Variants in RIT2 observed in about 807,000 individuals in gnomAD.
The protein encoded by RIT2 is Ras like without CAAX 2.
RIT2 carries 24 observed loss-of-function variants against 23.7 expected under a neutral mutation model. The observed-to-expected ratio is 1.01, with a 90% CI of 0.73 to 1.43. The LOEUF is 1.43. Ranked by LOEUF, RIT2 falls within the 40% of genes most tolerant of loss-of-function variation. The pLI is 0.00. For synonymous variants in RIT2, 107 were observed against 91.1 expected (o/e 1.17, Z -0.99); for missense variants, 236 against 266.9 (o/e 0.88, Z 0.81).
intron 4 of RIT2, among the ~76,000 whole-genome samples, chr18:42,747,836 C>T (rs1034265155): frequency 7.9e-5 from 12 of 151,724 alleles, no homozygotes; most frequent in Non-Finnish European, 1.5e-4. Flanking sequence ...GCAAGCCACA[C>T]GTAGAAGAAT....
In RIT2 at chr18:42,747,776, A is replaced by G. The variant is rs1267725669; in HGVS notation, c.427-4056T>C. Among the ~76,000 whole-genome samples, 2 of 152,126 alleles carry G rather than the reference A, an allele frequency of 1.3e-5. 1 individual carries two copies. The highest frequency in any genetic ancestry group is 2.9e-5 in the Non-Finnish European group (2 of 67,980). On this transcript the variant is annotated intron_variant, in intron 4 of 4. Coordinates refer to ENST00000326695, the MANE Select transcript of RIT2 (RefSeq NM_002930.4). ...GATCTTTGACAAAGCAAACAAAAAC[A>G]TAAAGTGGGGAAAGGACACCCTACT...
chr18:43,077,354 A>C (rs1471912530), intron 1 of RIT2, among the ~76,000 whole-genome samples: 3 of 152,180 alleles, frequency 2.0e-5, no homozygotes, highest in East Asian at 3.9e-4. Context: ...ATCTCATTCA[A>C]ACTCCCAACT....
At chr18:43,077,106 A>AAAGAAAAAAAG (rs1913044060) in intron 1 of RIT2, among the ~76,000 whole-genome samples, 1 of 132,602 alleles carries the variant, frequency 7.5e-6, no homozygotes, top group Non-Finnish European at 1.6e-5. Context: ...CCGTCTCAAA[A>AAAGAAAAAAAG]AAAAAAAAAA....
At chr18:42,948,110 G>A (rs1048235119) in intron 3 of RIT2, among the ~76,000 whole-genome samples, 2 of 151,882 alleles carry the variant, frequency 1.3e-5, no homozygotes, top group South Asian at 2.1e-4. Flanking sequence ...TTCTAAATGT[G>A]GCACATATAA....
intron 1 of RIT2, among the ~76,000 whole-genome samples, chr18:43,083,137 C>G (rs1393798409): frequency 6.6e-6 from 1 of 151,980 alleles, no homozygotes; most frequent in Non-Finnish European, 1.5e-5. Flanking sequence ...ACCATTGCTA[C>G]AAAGAGAATA....
chr18:43,109,456 T>C (rs1398473075), intron 1 of RIT2, among the ~76,000 whole-genome samples: 1 of 152,170 alleles, frequency 6.6e-6, no homozygotes, highest in East Asian at 1.9e-4. Context: ...TTATAAGCCT[T>C]CAGATCCCTT....
rs145142193 is a variant in RIT2 at position 43,071,928 on chromosome 18, G to T, written c.104-38061C>A. 1.4e-4 allele frequency among the ~76,000 whole-genome samples: 22 copies of T among 152,106 alleles called. No homozygotes were observed. The East Asian group carries it at 3.5e-3, about 24-fold the overall frequency. ...CTTCTGAATCTCACTATTATCAAAA[G>T]AATTATCAGTTTTCAGAAAATTCAT... On this transcript the variant is annotated intron_variant, in intron 1 of 4. Coordinates refer to ENST00000326695, the MANE Select transcript of RIT2 (RefSeq NM_002930.4).
At chr18:43,018,250 G>A in intron 2 of RIT2, among the ~76,000 whole-genome samples, 1 of 152,018 alleles carries the variant, frequency 6.6e-6, no homozygotes, top group East Asian at 1.9e-4. Context: ...GCATTGCAGA[G>A]GGCAATTGAC....
chr18:43,077,302 T>C (rs776877878), intron 1 of RIT2, among the ~76,000 whole-genome samples: 29 of 152,148 alleles, frequency 1.9e-4, no homozygotes, highest in Non-Finnish European at 4.0e-4. Flanking sequence ...TTGTTTATTA[T>C]AGAATATTAT....
Position 43,115,661 on chromosome 18 carries a change from G to T in RIT2, c.-142C>A. The T allele has an allele frequency of 8.1e-7, 1 of 1,231,786 alleles. No homozygotes were observed. The highest frequency in any genetic ancestry group is 1.1e-6 in the Non-Finnish European group (1 of 931,218). The allele number at this position is 1,231,786 out of a possible 1,614,324, so 76.3% of individuals were successfully genotyped here. On this transcript the variant is annotated 5_prime_UTR_variant, in exon 1 of 5. Transcript: ENST00000326695. ...AACCATCAGCGTCGGGCTGGCTGCTGGTCCTCCGCTCGAGCGGGTCTCATA... is the reference window on the plus strand; with the variant it reads ...AACCATCAGCGTCGGGCTGGCTGCTTGTCCTCCGCTCGAGCGGGTCTCATA...
Position 42,837,694 on chromosome 18 carries a change from G to A in RIT2, c.426+85878C>T, listed in dbSNP as rs554997084. ...AGGAAGATGAGCAAAGAAAGTATTC[G>A]GATTTGGGGTAAAACCTGGTCTTTC... On this transcript the variant is annotated intron_variant, in intron 4 of 4. Transcript: ENST00000326695. Among the ~76,000 whole-genome samples the A allele has an allele frequency of 9.2e-5, 14 of 152,160 alleles. No homozygotes were observed. The South Asian group carries it at 1.0e-3, about 11-fold the overall frequency.
At chr18:43,011,659 T>C (rs1386005564) in intron 2 of RIT2, among the ~76,000 whole-genome samples, 24 of 151,784 alleles carry the variant, frequency 1.6e-4, no homozygotes, top group Admixed American at 1.6e-3. Context: ...ATATTAAACT[T>C]CACTGATAGG....
chr18:43,114,727 G>A (rs371577412), intron 1 of RIT2, among the ~76,000 whole-genome samples: 3 of 151,914 alleles, frequency 2.0e-5, no homozygotes, highest in African/African-American at 4.8e-5. Flanking sequence ...TGACACTTCC[G>A]TTCTTTATGT....
intron 2 of RIT2, among the ~76,000 whole-genome samples, chr18:42,982,411 C>G (rs1856692067): frequency 6.6e-6 from 1 of 152,134 alleles, no homozygotes. Flanking sequence ...TGCAAACACT[C>G]CCACATACAC....
chr18:42,831,834 G>A (rs1285219453), intron 4 of RIT2, among the ~76,000 whole-genome samples: 6 of 152,166 alleles, frequency 3.9e-5, no homozygotes, highest in African/African-American at 1.4e-4. Flanking sequence ...TAATCATGAA[G>A]TTAATCATAA....
intron 4 of RIT2, among the ~76,000 whole-genome samples, chr18:42,896,956 T>C (rs1418254025): frequency 6.6e-6 from 1 of 152,176 alleles, no homozygotes; most frequent in African/African-American, 2.4e-5. Context: ...TATCTGGTTT[T>C]CTTCACAAGG....
intron 3 of RIT2, among the ~76,000 whole-genome samples, chr18:42,971,444 G>A (rs1910359318): frequency 6.6e-6 from 1 of 151,976 alleles, no homozygotes; most frequent in Non-Finnish European, 1.5e-5. Flanking sequence ...TATTACTAGA[G>A]CATAGAATTT....
chr18:42,899,117 A>T (rs1429126448), intron 4 of RIT2, among the ~76,000 whole-genome samples: 1 of 151,914 alleles, frequency 6.6e-6, no homozygotes, highest in Non-Finnish European at 1.5e-5. Flanking sequence ...TAGTTTTAGC[A>T]TCTATTGGTT....
intron 2 of RIT2, among the ~76,000 whole-genome samples, chr18:43,014,359 G>C (rs889291306): frequency 6.6e-6 from 1 of 151,738 alleles, no homozygotes; most frequent in Non-Finnish European, 1.5e-5. Context: ...ATGGTGCTTA[G>C]AAGGCTTAAA....
Sources: gnomAD v4.1 joint callset for allele counts (sites outside exome capture counted in the v4.1 genomes callset) on GRCh38, gnomAD v4.1.1 for gene constraint, MANE v1.5 for transcripts, NCBI Gene and HGNC (gene_info 2026-07-23, HGNC 2026-07-21) for gene names.